Variants in DNAH8 observed in about 807,000 individuals in gnomAD.
DNAH8 encodes the protein dynein axonemal heavy chain 8.
In DNAH8, 382 loss-of-function variants were observed where a neutral mutation model predicts 562.1. The ratio of observed to expected loss-of-function variants is 0.68; its 90% CI spans 0.63 to 0.74. The LOEUF is 0.74. DNAH8 is among the 30% of genes least tolerant of loss of function. The pLI is 0.00. For missense variants in DNAH8, 5,203 were observed against 5,620.4 expected (o/e 0.93, Z 2.37); for synonymous variants, 1,881 against 1,919.4 (o/e 0.98, Z 0.52).
Position 38,903,612 on chromosome 6 carries a change from C to CTTTTTTTTTTTTTTTTTTT in DNAH8, c.9195-2624_9195-2623insTTTTTTTTTTTTTTTTTTT, listed in dbSNP as rs756414599. On this transcript the variant is annotated intron_variant, in intron 62 of 92. Coordinates refer to ENST00000327475, the MANE Select transcript of DNAH8 (RefSeq NM_001206927.2). ...ATGTTTTCTTTTTCTTTCTTTCTTC[C>CTTTTTTTTTTTTTTTTTTT]TTTTTTTTTTTTTTTTTTGAGAAGG... Among the ~76,000 whole-genome samples, 3 of 129,444 alleles carry CTTTTTTTTTTTTTTTTTTT rather than the reference C, an allele frequency of 2.3e-5. 1 individual carries two copies. The highest frequency in any genetic ancestry group is 5.8e-5 in the African/African-American group (2 of 34,712). 84.9% of individuals were successfully genotyped at this position (129,444 alleles called of 152,430 possible). A position where few individuals can be genotyped will look rare whatever the true frequency, so the allele number is the denominator to read the frequency against.
chr6:38,836,370 C>T (rs1214547255), intron 32 of DNAH8, among the ~76,000 whole-genome samples: 1 of 151,682 alleles, frequency 6.6e-6, no homozygotes, highest in Non-Finnish European at 1.5e-5. Context: ...TTGCTTGAAC[C>T]TGGGAGGCGA....
chr6:39,012,209 T>C lies in DNAH8; in HGVS notation c.13372-6T>C, dbSNP rs1353763556. ...CTCCTTTATTGCATTGTTTACTTTG[T>C]TTTAGGTGAAATCTCGTTTGATAAA... On this transcript the variant is annotated splice_polypyrimidine_tract_variant and splice_region_variant and intron_variant, in intron 89 of 92. Transcript: ENST00000327475. The C allele has an allele frequency of 1.9e-6, 3 of 1,593,848 alleles. No individual in the cohort carries two copies. In the Admixed American group the frequency reaches 5.1e-5, roughly 27 times the overall value.
intron 21 of DNAH8, among the ~76,000 whole-genome samples, chr6:38,801,463 C>G: frequency 6.6e-6 from 1 of 152,176 alleles, no homozygotes; most frequent in Admixed American, 6.5e-5. Flanking sequence ...CATGTGTGTT[C>G]ATTCTGCCAA....
chr6:38,938,634 A>G (rs2150594238), intron 78 of DNAH8, among the ~76,000 whole-genome samples, 164 bp from the exon 79 acceptor site: 1 of 152,260 alleles, frequency 6.6e-6, no homozygotes, highest in Admixed American at 6.5e-5. Flanking sequence ...AAAAATAACT[A>G]ATGGGTACTA....
intron 38 of DNAH8, 83 bp downstream of exon 38, chr6:38,850,497 T>A: frequency 7.5e-7 from 1 of 1,329,600 alleles, no homozygotes; most frequent in Non-Finnish European, 1.0e-6. Context: ...ACTACATTTC[T>A]GGTTTGGTAG....
Position 38,926,137 on chromosome 6 carries a change from A to G in DNAH8, c.11045A>G (p.Tyr3682Cys). Reference sequence around the variant, plus strand: ...ATTATTGTGACAAAGGCCACCAGATACCCACTCCTCATAGACCCACAAACT... The same window carrying G: ...ATTATTGTGACAAAGGCCACCAGATGCCCACTCCTCATAGACCCACAAACT... ...NGIIVTKATR[Y>C]PLLIDPQTQG... The change falls in exon 74 of 93, where the codon TAC becomes TGC. Residue 3682 changes from tyrosine to cysteine, a missense_variant. Tyr to Cys is a radical substitution (Grantham distance 194, BLOSUM62 -2). Coordinates refer to ENST00000327475, the MANE Select transcript of DNAH8 (RefSeq NM_001206927.2). 1 of 1,613,814 alleles carries G rather than the reference A, an allele frequency of 6.2e-7. No homozygotes were observed.
In DNAH8 at chr6:38,841,376, G is replaced by C. The variant is rs9380786; in HGVS notation, c.4467-992G>C. On this transcript the variant is annotated intron_variant, in intron 33 of 92. Transcript: ENST00000327475. ...AGAGGTTATGGTGAGCCGAGATCGTGCCACTGCACTCCAGCCTGGGCAACA... is the reference window on the plus strand; with the variant it reads ...AGAGGTTATGGTGAGCCGAGATCGTCCCACTGCACTCCAGCCTGGGCAACA... 6.8e-4 allele frequency among the ~76,000 whole-genome samples: 103 copies of C among 152,236 alleles called. 1 individual carries two copies. The East Asian group carries it at 0.011, about 17-fold the overall frequency.
intron 82 of DNAH8, among the ~76,000 whole-genome samples, chr6:38,954,936 T>C (rs1762148368): frequency 6.6e-6 from 1 of 152,196 alleles, no homozygotes; most frequent in Admixed American, 6.5e-5. Context: ...TCATATGCTA[T>C]ATTCTGTTCC....
intron 53 of DNAH8, among the ~76,000 whole-genome samples, chr6:38,882,604 T>C (rs1426563374): frequency 1.3e-5 from 2 of 152,128 alleles, no homozygotes; most frequent in East Asian, 3.9e-4. Flanking sequence ...ACACTACTTA[T>C]TGGGTACTAT....
intron 8 of DNAH8, among the ~76,000 whole-genome samples, chr6:38,746,818 A>C (rs1764979100): frequency 6.6e-6 from 1 of 152,088 alleles, no homozygotes; most frequent in African/African-American, 2.4e-5. Context: ...AATCCCAGCT[A>C]TTCGGGAGGC....
At position 38,917,342 on chromosome 6, in the gene DNAH8, T is replaced by C. The variant is rs1467197047; in HGVS notation, c.10244T>C (p.Ile3415Thr). 1.9e-6 allele frequency: 3 copies of C among 1,613,738 alleles called. No individual in the cohort carries two copies. Among genetic ancestry groups the C allele is most frequent in the Non-Finnish European group, 2.5e-6 (3 of 1,179,762 alleles). Residue 3415 changes from isoleucine (I) to threonine (T), a missense_variant, in exon 69 of 93, where the codon ATT becomes ACT. Physicochemically the swap from Ile to Thr is moderately conservative, Grantham distance 89. Coordinates refer to ENST00000327475, the MANE Select transcript of DNAH8 (RefSeq NM_001206927.2). ...DCVLLLFQKK[I>T]DPVTMDPEKS... ...GTTCTGTTACTATTTCAAAAGAAAA[T>C]TGACCCTGTTACTATGGATCCAGAA...
Position 38,908,036 on chromosome 6 carries a change from C to A in DNAH8, c.9429C>A (p.Arg3143=), listed in dbSNP as rs778176004. 1 of 1,612,450 alleles carries A rather than the reference C, an allele frequency of 6.2e-7. No homozygotes were observed. Among genetic ancestry groups the A allele is most frequent in the Non-Finnish European group, 8.5e-7 (1 of 1,179,074 alleles). ...LISVMKRELP[R]HPPTFDNLYE... is the part of the protein sequence containing the mutation. The stretch of plus-strand genomic sequence containing the variant: ...CAGTGATGAAGAGGGAGCTACCTCG[C>A]CATCCTCCTACCTTTGATAATTTGT... The change falls in exon 64 of 93, where the codon CGC becomes CGA. Residue 3143 remains arginine, a synonymous_variant. Coordinates refer to ENST00000327475, the MANE Select transcript of DNAH8 (RefSeq NM_001206927.2).
At chr6:38,973,115 A>G (rs1220608680) in intron 83 of DNAH8, among the ~76,000 whole-genome samples, 1 of 152,220 alleles carries the variant, frequency 6.6e-6, no homozygotes, top group Non-Finnish European at 1.5e-5. Context: ...TCAAGTATTT[A>G]TTTAGAAAGT....
chr6:38,855,036 A>T (rs955881123), intron 41 of DNAH8, among the ~76,000 whole-genome samples: 2 of 149,112 alleles, frequency 1.3e-5, no homozygotes, highest in African/African-American at 2.4e-5. Context: ...TATTCACATA[A>T]GTATATATGA....
chr6:38,995,707 CACTTCTTCCTTACCCTAT>C (rs1470842899), intron 88 of DNAH8, among the ~76,000 whole-genome samples: 1 of 152,172 alleles, frequency 6.6e-6, no homozygotes, highest in Non-Finnish European at 1.5e-5. Flanking sequence ...AGAATGAAAT[CACTTCTTCCTTACCCTAT>C]ACTGAGTCCA....
chr6:38,864,159 G>A, intron 45 of DNAH8, 99 bp downstream of exon 45: 1 of 1,062,474 alleles, frequency 9.4e-7, no homozygotes, highest in Non-Finnish European at 1.4e-6. Context: ...AACTATCCAG[G>A]AGTTATAAGC....
intron 16 of DNAH8, among the ~76,000 whole-genome samples, chr6:38,781,587 A>G (rs747484327): frequency 6.6e-6 from 1 of 152,182 alleles, no homozygotes; most frequent in Non-Finnish European, 1.5e-5. Flanking sequence ...AGTTATCTCA[A>G]AGTCAGTGAA....
chr6:39,007,694 C>T (rs577568003), intron 88 of DNAH8, among the ~76,000 whole-genome samples: 1 of 152,250 alleles, frequency 6.6e-6, no homozygotes, highest in South Asian at 2.1e-4. Flanking sequence ...AGCTCACTAG[C>T]TCCAAGCTCA....
chr6:38,722,127 G>C (rs1336958593), intron 1 of DNAH8, among the ~76,000 whole-genome samples: 1 of 152,126 alleles, frequency 6.6e-6, no homozygotes, highest in Non-Finnish European at 1.5e-5. Flanking sequence ...GTTTAGGCAG[G>C]CTAGATTTAT....
Sources: gnomAD v4.1 joint callset for allele counts (sites outside exome capture counted in the v4.1 genomes callset) on GRCh38, gnomAD v4.1.1 for gene constraint, MANE v1.5 for transcripts, NCBI Gene and HGNC (gene_info 2026-07-23, HGNC 2026-07-21) for gene names.